ABHD3: variants seen among roughly 807,000 people sequenced by gnomAD.
ABHD3 encodes abhydrolase domain containing 3, phospholipase, also known as phospholipase ABHD3.
ABHD3 carries 46 observed loss-of-function variants against 48.8 expected under a neutral mutation model. The ratio of observed to expected loss-of-function variants is 0.94; its 90% CI spans 0.74 to 1.20. ABHD3 has a LOEUF of 1.20. Ranked by LOEUF, ABHD3 falls within the 50% of genes most tolerant of loss-of-function variation. ABHD3 has a pLI of 0.00. For synonymous variants in ABHD3, 192 were observed against 183.7 expected (o/e 1.04, Z -0.36); for missense variants, 490 against 497.8 (o/e 0.98, Z 0.15).
chr18:21,652,168 T>G (rs2039237354), intron 8 of ABHD3, among the ~76,000 whole-genome samples: 1 of 152,136 alleles, frequency 6.6e-6, no homozygotes, highest in Non-Finnish European at 1.5e-5. Context: ...TTGTGAGAGT[T>G]AGAAATTCAT....
At position 21,659,363 on chromosome 18, in the gene ABHD3, G is replaced by A. The variant is rs771808363; in HGVS notation, c.669-20C>T. The A allele has an allele frequency of 1.3e-6, 2 of 1,594,372 alleles. No homozygotes were observed. The highest frequency in any genetic ancestry group is 1.7e-6 in the Non-Finnish European group (2 of 1,172,026). ...AGCATTCTAAAATGGGGAGAAACAG[G>A]AAACTCAGTGATTAATTTGTTGTAT... is the stretch of plus-strand genomic sequence containing the variant. On this transcript the variant is annotated intron_variant, in intron 5 of 8. Transcript: ENST00000289119.
rs1455622165 is a variant in ABHD3 at position 21,659,247 on chromosome 18, T to C, written c.765A>G (p.Ser255=). 1.9e-6 allele frequency: 3 copies of C among 1,613,952 alleles called. No individual in the cohort carries two copies. Among genetic ancestry groups the C allele is most frequent in the Non-Finnish European group, 2.5e-6 (3 of 1,179,998 alleles). The change falls in exon 6 of 9, where the codon TCA becomes TCG. Residue 255 remains serine, a synonymous_variant. Transcript: ENST00000289119. ...FSVGWNTFAC[S]ESLEKPLNWL... ...AGTTCAGTGGTTTTTCCAATGACTC[T>C]GAGCAAGCGAAGGTGTTCCAACCAA...
At chr18:21,666,576 C>T (rs1378589005) in intron 4 of ABHD3, among the ~76,000 whole-genome samples, 3 of 152,182 alleles carry the variant, frequency 2.0e-5, no homozygotes, top group African/African-American at 7.2e-5. Context: ...ATGATCTACC[C>T]GCCCTGGTTT....
chr18:21,689,767 C>T (rs1297770780), intron 3 of ABHD3, among the ~76,000 whole-genome samples: 2 of 151,872 alleles, frequency 1.3e-5, no homozygotes, highest in African/African-American at 4.8e-5. Context: ...TACAAGCAAC[C>T]CAATTAAGGC....
rs1454068043 is a variant in ABHD3, at chr18:21,704,708, C to A, written c.-43G>T. The A allele has an allele frequency of 3.9e-6, 5 of 1,289,114 alleles. No individual in the cohort carries two copies. Among genetic ancestry groups the A allele is most frequent in the Non-Finnish European group, 4.9e-6 (5 of 1,022,738 alleles). 79.9% of individuals were successfully genotyped at this position (1,289,114 alleles called of 1,614,324 possible). ...CGCGGGTCCTGCGGCGGGAGGAGAG[C>A]CGGCTGGCGAGCGGGCGAGAGCGGG... is the stretch of plus-strand genomic sequence containing the variant. On this transcript the variant is annotated 5_prime_UTR_variant, in exon 1 of 9. Transcript: ENST00000289119.
At chr18:21,657,515 T>G (rs544093050) in intron 6 of ABHD3, among the ~76,000 whole-genome samples, 16 of 145,938 alleles carry the variant, frequency 1.1e-4, no homozygotes, top group Admixed American at 4.1e-4. Context: ...ATTTTGTGGG[T>G]TTTTTTTTTC....
intron 6 of ABHD3, 48 bp downstream of exon 6, chr18:21,659,122 A>G (rs2039423830): frequency 1.9e-6 from 3 of 1,572,164 alleles, no homozygotes; most frequent in Non-Finnish European, 2.6e-6. Flanking sequence ...TACAGGCGTG[A>G]GCCACCGGGC....
intron 3 of ABHD3, among the ~76,000 whole-genome samples, chr18:21,698,479 A>T (rs918501773): frequency 1.3e-5 from 2 of 150,634 alleles, no homozygotes; most frequent in Admixed American, 1.3e-4. Flanking sequence ...GAGCCACCAC[A>T]CCCGGCCTAT....
chr18:21,662,350 GC>G (rs2039521228), intron 5 of ABHD3: 1 of 152,092 alleles, frequency 6.6e-6, no homozygotes, highest in Non-Finnish European at 1.5e-5. Context: ...CAGGTTGTCT[GC>G]CTGCCTCAGC....
intron 4 of ABHD3, among the ~76,000 whole-genome samples, chr18:21,668,992 G>A (rs1037240546): frequency 6.6e-6 from 1 of 152,136 alleles, no homozygotes; most frequent in Non-Finnish European, 1.5e-5. Flanking sequence ...GGAGGCTGAG[G>A]TGGGCCAATC....
intron 3 of ABHD3, among the ~76,000 whole-genome samples, chr18:21,697,021 G>A (rs1237600350): frequency 6.6e-6 from 1 of 151,736 alleles, no homozygotes; most frequent in Non-Finnish European, 1.5e-5. Context: ...AGTGAAGATG[G>A]ACAGGTTATC....
intron 4 of ABHD3, among the ~76,000 whole-genome samples, chr18:21,680,836 T>C (rs1023552613): frequency 6.7e-6 from 1 of 149,808 alleles, no homozygotes; most frequent in African/African-American, 2.5e-5. Flanking sequence ...TTGTTGTTTC[T>C]TTTTTTCTTT....
chr18:21,675,191 C>T (rs1454176931), intron 4 of ABHD3, among the ~76,000 whole-genome samples: 1 of 151,428 alleles, frequency 6.6e-6, no homozygotes, highest in East Asian at 2.0e-4. Context: ...CGTGAGACCA[C>T]TCATCAGCTT....
intron 4 of ABHD3, 31 bp downstream of exon 4, chr18:21,683,889 G>C (rs777906548): frequency 6.4e-7 from 1 of 1,558,836 alleles, no homozygotes; most frequent in Admixed American, 1.8e-5. Context: ...TCTTTAAAAA[G>C]TTAAGACTGT....
At chr18:21,673,452 G>A (rs1328778214) in intron 4 of ABHD3, among the ~76,000 whole-genome samples, 4 of 151,664 alleles carry the variant, frequency 2.6e-5, no homozygotes, top group Admixed American at 6.6e-5. Context: ...ACCACCACAC[G>A]CTTGGCTAAT....
intron 4 of ABHD3, among the ~76,000 whole-genome samples, chr18:21,668,253 T>C (rs1027063468): frequency 1.3e-5 from 2 of 150,892 alleles, no homozygotes; most frequent in Non-Finnish European, 3.0e-5. Flanking sequence ...TCTTCTACTA[T>C]GCTCATTCAT....
chr18:21,690,862 G>A (rs1251341032), intron 3 of ABHD3, among the ~76,000 whole-genome samples: 1 of 151,922 alleles, frequency 6.6e-6, no homozygotes, highest in Non-Finnish European at 1.5e-5. Context: ...TGGTGTGGTG[G>A]TGGGTGCCTG....
At chr18:21,655,771 C>T (rs922035104) in intron 8 of ABHD3, among the ~76,000 whole-genome samples, 15 of 149,740 alleles carry the variant, frequency 1.0e-4, no homozygotes, top group Non-Finnish European at 1.6e-4. Context: ...ACTCGGGAGG[C>T]GTGAGCCGAG....
chr18:21,664,173 C>A lies in ABHD3; in HGVS notation c.613G>T (p.Val205Leu). The change falls in exon 5 of 9, where the codon GTA becomes TTA. Residue 205 changes from valine to leucine, a missense_variant. Transcript: ENST00000289119. ...GGAGCAGAAGGGTACAGGCTGTGTA[C>A]ATGGTGAATAACTGTCTCCAAGTCT... ...TEDLETVIHH[V>L]HSLYPSAPFL... The A allele has an allele frequency of 6.2e-7, 1 of 1,614,082 alleles. No homozygotes were observed.
Sources: allele counts gnomAD v4.1 joint callset (sites outside exome capture counted in the v4.1 genomes callset), GRCh38; gene constraint gnomAD v4.1.1; transcripts MANE v1.5; gene names NCBI Gene and HGNC (gene_info 2026-07-23, HGNC 2026-07-21).